Variants in DST observed in about 807,000 individuals in gnomAD.
DST encodes the protein dystonin.
A neutral mutation model predicts 875.2 loss-of-function variants in DST; 253 were observed. That is an observed-to-expected ratio of 0.29 (90% confidence interval 0.26 to 0.32). The LOEUF is 0.32. DST is among the 10% of genes least tolerant of loss of function. The pLI is 1.00. For synonymous variants in DST, 3,124 were observed against 3,197.1 expected (o/e 0.98, Z 0.77); for missense variants, 8,287 against 9,111.6 (o/e 0.91, Z 3.68).
Position 56,593,684 on chromosome 6 carries a change from C to T in DST, c.12705G>A (p.Arg4235=). Residue 4235 remains arginine (R), a synonymous_variant, in exon 48 of 104, where the codon CGG becomes CGA. Transcript: ENST00000680361. ...TTACCTTAGAGTAGAGAGACCTGAA[C>T]CGATCAGTAGCATGATCCAACTTGC... ...VQRKLDHATD[R]FRSLYSKCNV... 2 of 1,602,906 alleles carry T rather than the reference C, an allele frequency of 1.2e-6. No individual in the cohort carries two copies. Among genetic ancestry groups the T allele is most frequent in the South Asian group, 2.2e-5 (2 of 89,830 alleles).
At position 56,598,026 on chromosome 6, in the gene DST, A is replaced by C; in HGVS notation, c.11929-20T>G. ...TGCTACCTGGGAAGGGAAAGTTCAC[A>C]GGAGGAATTCAGAACGTGGGCCAAG... On this transcript the variant is annotated intron_variant, in intron 46 of 103. Coordinates refer to ENST00000680361, the MANE Select transcript of DST (RefSeq NM_001374736.1). The C allele has an allele frequency of 6.4e-7, 1 of 1,564,790 alleles. No homozygotes were observed. The highest frequency in any genetic ancestry group is 1.2e-5 in the South Asian group (1 of 80,260).
At chr6:56,567,888 A>G (rs1463323663) in intron 55 of DST, among the ~76,000 whole-genome samples, 1 of 152,226 alleles carries the variant, frequency 6.6e-6, no homozygotes, top group Non-Finnish European at 1.5e-5. Flanking sequence ...TTTAGAATCA[A>G]TATTTACACA....
intron 5 of DST, among the ~76,000 whole-genome samples, chr6:56,715,727 T>C (rs2099392400): frequency 6.6e-6 from 1 of 152,184 alleles, no homozygotes; most frequent in Admixed American, 6.5e-5. Context: ...TCAGAGAGAT[T>C]ACCTAAAAGA....
At chr6:56,496,555 T>C (rs146924814) in intron 82 of DST, among the ~76,000 whole-genome samples, 1 of 152,274 alleles carries the variant, frequency 6.6e-6, no homozygotes, top group Non-Finnish European at 1.5e-5. Context: ...ATAACAATAA[T>C]TTTAAGTCAT....
chr6:56,700,245 C>T (rs1200501373), intron 8 of DST, among the ~76,000 whole-genome samples: 1 of 152,154 alleles, frequency 6.6e-6, no homozygotes, highest in African/African-American at 2.4e-5. Context: ...CTCCCACCAG[C>T]CAGTTCATGG....
At chr6:56,501,023 C>A in intron 80 of DST, 57 bp downstream of exon 80, 2 of 1,533,064 alleles carry the variant, frequency 1.3e-6, no homozygotes, top group Non-Finnish European at 1.8e-6. Context: ...TCCAAGAAAT[C>A]TGATGACACT....
chr6:56,503,957 A>C, intron 78 of DST, 40 bp downstream of exon 78: 1 of 1,408,756 alleles, frequency 7.1e-7, no homozygotes, highest in Non-Finnish European at 9.8e-7. Context: ...AGGACTTAAA[A>C]CTGCAAGGGA....
At chr6:56,862,888 G>A (rs1411446335) in intron 3 of DST, among the ~76,000 whole-genome samples, 1 of 152,180 alleles carries the variant, frequency 6.6e-6, no homozygotes, top group African/African-American at 2.4e-5. Flanking sequence ...AACTGTAATA[G>A]TGGGGAGACA....
intron 95 of DST, 61 bp from the exon 96 acceptor site, chr6:56,470,343 AT>A: frequency 7.3e-7 from 1 of 1,370,050 alleles, no homozygotes; most frequent in Non-Finnish European, 9.9e-7. Flanking sequence ...GACATTCTCA[AT>A]TGCACATTTC....
In DST at chr6:56,603,457, A is replaced by G. The variant is rs764132059; in HGVS notation, c.10942-37T>C. 7 of 1,598,958 alleles carry G rather than the reference A, an allele frequency of 4.4e-6. No homozygotes were observed. In the African/African-American group the frequency reaches 9.4e-5, roughly 22 times the overall value. ...TATATCCCGGACCTATTTACTATTT[A>G]GTGAAAAACCCAAATATAAACATGA... On this transcript the variant is annotated intron_variant, in intron 41 of 103. Coordinates refer to ENST00000680361, the MANE Select transcript of DST (RefSeq NM_001374736.1).
chr6:56,605,264 T>A lies in DST; in HGVS notation c.9364A>T (p.Asn3122Tyr). 6.2e-7 allele frequency: 1 copy of A among 1,610,892 alleles called. No individual in the cohort carries two copies. Among genetic ancestry groups the A allele is most frequent in the Non-Finnish European group, 8.5e-7 (1 of 1,178,154 alleles). The change falls in exon 40 of 104, where the codon AAT (asparagine) becomes TAT (tyrosine). Residue 3122 changes from asparagine (N) to tyrosine (Y), a missense_variant. Coordinates refer to ENST00000680361, the MANE Select transcript of DST (RefSeq NM_001374736.1). ...CTTTTACTAACTATTATTTGTAGAT[T>A]ATTTGGTTCATCTTTAAGAGTTACA... is the stretch of plus-strand genomic sequence containing the variant. ...ATVTLKDEPN[N>Y]LQIIVSKSPV... is the part of the protein sequence containing the mutation.
At chr6:56,954,333 G>A in intron 1 of DST, 74 bp downstream of exon 1, 1 of 1,167,182 alleles carries the variant, frequency 8.6e-7, no homozygotes, top group Non-Finnish European at 1.1e-6. Flanking sequence ...AGAAGGGAGC[G>A]AGCCGCGCTT....
chr6:56,597,949 A>T lies in DST; in HGVS notation c.11986T>A (p.Trp3996Arg), dbSNP rs1275593051. ...SKTKIENLLD[W>R]LSNVDKDSER... ...GAGTCTTTGTCAACATTTGACAACC[A>T]GTCCAAAAGGTTTTCTATTTTGGTT... The change falls in exon 47 of 104, where the codon TGG becomes AGG. Residue 3996 changes from tryptophan to arginine, a missense_variant. This residue lies in a region of DST where 1,513 missense variants were observed against 1,677.8 expected (regional missense o/e 0.90). Coordinates refer to ENST00000680361, the MANE Select transcript of DST (RefSeq NM_001374736.1). 7 of 1,613,476 alleles carry T rather than the reference A, an allele frequency of 4.3e-6. No individual in the cohort carries two copies. Among genetic ancestry groups the T allele is most frequent in the Non-Finnish European group, 5.9e-6 (7 of 1,179,614 alleles).
At chr6:56,867,980 T>C (rs1775074033) in intron 3 of DST, among the ~76,000 whole-genome samples, 1 of 152,222 alleles carries the variant, frequency 6.6e-6, no homozygotes, top group South Asian at 2.1e-4. Context: ...TTACCCGTGT[T>C]CTAGAAATAA....
chr6:56,788,487 A>C (rs1305444547), intron 4 of DST, among the ~76,000 whole-genome samples: 1 of 152,114 alleles, frequency 6.6e-6, no homozygotes, highest in East Asian at 1.9e-4. Flanking sequence ...CAGCCTAAGT[A>C]TTATGTTCTT....
intron 4 of DST, among the ~76,000 whole-genome samples, chr6:56,778,772 C>G (rs1590119091): frequency 6.6e-6 from 1 of 151,850 alleles, no homozygotes; most frequent in South Asian, 2.1e-4. Context: ...TTTTCTTAAT[C>G]CAGTCTATTA....
chr6:56,885,357 TA>T (rs1784250482), intron 3 of DST, among the ~76,000 whole-genome samples: 1 of 152,220 alleles, frequency 6.6e-6, no homozygotes, highest in Non-Finnish European at 1.5e-5. Context: ...AGTTGGCTCA[TA>T]TGATAATGCT....
At chr6:56,811,183 CAAAAAAA>C (rs371256050) in intron 4 of DST, among the ~76,000 whole-genome samples, 13 of 33,356 alleles carry the variant, frequency 3.9e-4, no homozygotes, top group South Asian at 1.6e-3. Flanking sequence ...GACCCTGTCT[CAAAAAAA>C]AAAAAAAAAA....
Position 56,526,687 on chromosome 6 carries a change from C to G in DST, c.17923-120G>C, listed in dbSNP as rs141542052. 4.7e-3 allele frequency: 3,977 copies of G among 838,406 alleles called. 105 individuals carry two copies. The African/African-American group carries it at 0.059, about 12-fold the overall frequency. The allele number at this position is 838,406 out of a possible 1,614,324, so 51.9% of individuals were successfully genotyped here. On this transcript the variant is annotated intron_variant, in intron 68 of 103. Coordinates refer to ENST00000680361, the MANE Select transcript of DST (RefSeq NM_001374736.1). ...TGTGATGCTTTGCCCCACTCCCCCC[C>G]TCCCTTAGTTTCAGTCGAGTTAAAT...
Sources: gnomAD v4.1 joint callset for allele counts (sites outside exome capture counted in the v4.1 genomes callset) on GRCh38, gnomAD v4.1.1 for gene constraint, gnomAD v4.1.1 regional missense constraint, MANE v1.5 for transcripts, NCBI Gene and HGNC (gene_info 2026-07-23, HGNC 2026-07-21) for gene names.